Variants in CSMD1 observed in about 807,000 individuals in gnomAD.
CSMD1 encodes CUB and sushi domain-containing protein 1.
In CSMD1, 213 loss-of-function variants were observed where a neutral mutation model predicts 417.5. The ratio of observed to expected loss-of-function variants is 0.51; its 90% CI spans 0.46 to 0.57. The LOEUF is 0.57. CSMD1 is among the 20% of genes least tolerant of loss of function. CSMD1 has a pLI of 0.00. For synonymous variants in CSMD1, 2,862 were observed against 1,736.8 expected (o/e 1.65, Z -16.11); for missense variants, 6,923 against 4,529.7 (o/e 1.53, Z -15.17).
chr8:4,286,163 C>T (rs966982605), intron 3 of CSMD1, among the ~76,000 whole-genome samples: 2 of 151,992 alleles, frequency 1.3e-5, no homozygotes, highest in African/African-American at 4.8e-5. Context: ...GTACCATAAA[C>T]AAAAGTCAAG....
At chr8:3,972,086 A>T (rs1279064924) in intron 5 of CSMD1, among the ~76,000 whole-genome samples, 1 of 152,026 alleles carries the variant, frequency 6.6e-6, no homozygotes, top group Non-Finnish European at 1.5e-5. Flanking sequence ...GCCCAGGCTG[A>T]TCCTGACTTC....
intron 1 of CSMD1, among the ~76,000 whole-genome samples, chr8:4,672,319 C>A (rs77100591): frequency 6.6e-6 from 1 of 152,106 alleles, no homozygotes; most frequent in African/African-American, 2.4e-5. Flanking sequence ...CATTTCTCAA[C>A]CTAGGGTAAA....
At chr8:3,063,976 A>T (rs557787474) in intron 49 of CSMD1, among the ~76,000 whole-genome samples, 2 of 152,312 alleles carry the variant, frequency 1.3e-5, no homozygotes, top group East Asian at 3.9e-4. Flanking sequence ...TAATAACTAT[A>T]TGCCACAGAT....
intron 5 of CSMD1, among the ~76,000 whole-genome samples, chr8:3,862,256 G>C (rs567172462): frequency 2.3e-4 from 35 of 152,110 alleles, no homozygotes; most frequent in Non-Finnish European, 1.2e-4. Context: ...CTTCCACTTA[G>C]GGGACTGTGA....
chr8:2,991,405 G>T (rs1013846098), intron 54 of CSMD1, among the ~76,000 whole-genome samples: 1 of 151,966 alleles, frequency 6.6e-6, no homozygotes. Flanking sequence ...TGAGTTAAAT[G>T]GAAATAATAA....
chr8:4,905,173 C>T (rs912120549), intron 1 of CSMD1, among the ~76,000 whole-genome samples: 4 of 151,846 alleles, frequency 2.6e-5, no homozygotes, highest in African/African-American at 9.7e-5. Context: ...TCGAACACAT[C>T]TCTGAAAAAA....
At chr8:3,311,610 TGTACA>T (rs1211144425) in intron 23 of CSMD1, among the ~76,000 whole-genome samples, 3 of 152,232 alleles carry the variant, frequency 2.0e-5, no homozygotes, top group Non-Finnish European at 4.4e-5. Flanking sequence ...TATTGAATAC[TGTACA>T]GGAAATGAAA....
intron 1 of CSMD1, among the ~76,000 whole-genome samples, chr8:4,843,503 T>C (rs910250710): frequency 6.6e-6 from 1 of 152,154 alleles, no homozygotes; most frequent in Non-Finnish European, 1.5e-5. Context: ...CAAAGACTAA[T>C]CGATCTAACT....
chr8:4,443,545 T>C (rs1336113039), intron 2 of CSMD1, among the ~76,000 whole-genome samples: 3 of 152,256 alleles, frequency 2.0e-5, no homozygotes, highest in African/African-American at 7.2e-5. Flanking sequence ...ACGAATGATA[T>C]GTCAGCCACG....
At chr8:3,359,671 A>G (rs1809028579) in intron 20 of CSMD1, among the ~76,000 whole-genome samples, 2 of 152,152 alleles carry the variant, frequency 1.3e-5, no homozygotes, top group African/African-American at 4.8e-5. Flanking sequence ...ATATGTTCTA[A>G]TACTTGATAG....
At chr8:4,034,645 GC>G (rs1797523185) in intron 3 of CSMD1, among the ~76,000 whole-genome samples, 1 of 152,080 alleles carries the variant, frequency 6.6e-6, no homozygotes, top group Non-Finnish European at 1.5e-5. Flanking sequence ...ACGTTGTATA[GC>G]CACCGTAAAT....
intron 2 of CSMD1, among the ~76,000 whole-genome samples, chr8:4,571,597 G>C (rs369271388): frequency 6.6e-6 from 1 of 152,198 alleles, no homozygotes; most frequent in Admixed American, 6.5e-5. Flanking sequence ...GCTATGTGGT[G>C]CTGAGAAGAA....
chr8:3,610,688 G>A (rs960804956), intron 8 of CSMD1, among the ~76,000 whole-genome samples: 3 of 151,948 alleles, frequency 2.0e-5, no homozygotes, highest in African/African-American at 7.2e-5. Flanking sequence ...TTACTATAAT[G>A]TTTCTTTCTT....
At chr8:3,865,756 T>C (rs1805050628) in intron 5 of CSMD1, among the ~76,000 whole-genome samples, 2 of 152,188 alleles carry the variant, frequency 1.3e-5, no homozygotes, top group African/African-American at 4.8e-5. Flanking sequence ...GGAGTAATGC[T>C]ATTTGCTAGG....
chr8:3,901,417 G>A (rs565598202), intron 5 of CSMD1, among the ~76,000 whole-genome samples: 38 of 152,176 alleles, frequency 2.5e-4, no homozygotes, highest in African/African-American at 8.7e-4. Context: ...CCTGAAATCC[G>A]TGCTGATGCA....
At chr8:3,093,901 A>G (rs1238772492) in intron 47 of CSMD1, among the ~76,000 whole-genome samples, 1 of 152,168 alleles carries the variant, frequency 6.6e-6, no homozygotes, top group Non-Finnish European at 1.5e-5. Flanking sequence ...ATGCCCTGCA[A>G]AAGAGTGGCT....
intron 1 of CSMD1, among the ~76,000 whole-genome samples, chr8:4,840,025 G>C (rs1042847714): frequency 9.9e-5 from 15 of 152,174 alleles, no homozygotes; most frequent in African/African-American, 3.1e-4. Context: ...ATGCACAAAA[G>C]CCTGGTTTGG....
At chr8:4,165,622 T>C (rs1044248145) in intron 3 of CSMD1, among the ~76,000 whole-genome samples, 1 of 152,196 alleles carries the variant, frequency 6.6e-6, no homozygotes, top group African/African-American at 2.4e-5. Context: ...AGGCTTGGCT[T>C]GAACTCCTTG....
At chr8:3,246,825 C>T (rs979608906) in intron 26 of CSMD1, among the ~76,000 whole-genome samples, 1 of 152,176 alleles carries the variant, frequency 6.6e-6, no homozygotes, top group Admixed American at 6.5e-5. Flanking sequence ...TCCCCTGACA[C>T]ACTGAGAGCT....
Sources: allele counts gnomAD v4.1 joint callset (sites outside exome capture counted in the v4.1 genomes callset), GRCh38; gene constraint gnomAD v4.1.1; transcripts MANE v1.5; gene names NCBI Gene and HGNC (gene_info 2026-07-23, HGNC 2026-07-21).